The following PTGER3 variants were observed in gnomAD, a reference collection of about 807,000 sequenced individuals.
The protein encoded by PTGER3 is prostaglandin E receptor 3.
Under a neutral mutation model 34.7 loss-of-function variants are expected in PTGER3, and 22 were observed. The observed-to-expected ratio is 0.63, with a 90% CI of 0.45 to 0.91. The LOEUF (loss-of-function observed/expected upper bound fraction) is 0.91. Ranked by LOEUF, PTGER3 falls within the 40% of genes least tolerant of loss-of-function variation. PTGER3 has a pLI of 0.00. For synonymous variants in PTGER3, 241 were observed against 230.1 expected (o/e 1.05, Z -0.43); for missense variants, 468 against 519.4 (o/e 0.90, Z 0.96).
At chr1:71,001,026 T>A (rs948679525) in intron 2 of PTGER3, among the ~76,000 whole-genome samples, 1 of 152,132 alleles carries the variant, frequency 6.6e-6, no homozygotes, top group African/African-American at 2.4e-5. Context: ...TGGTGTCATA[T>A]GCTAGAAAAA....
chr1:70,964,641 G>A (rs1462173619), intron 2 of PTGER3, among the ~76,000 whole-genome samples: 2 of 152,192 alleles, frequency 1.3e-5, no homozygotes, highest in African/African-American at 4.8e-5. Flanking sequence ...TGACAGGTGG[G>A]AATTATGGGA....
intron 1 of PTGER3, among the ~76,000 whole-genome samples, chr1:71,015,341 G>GACATAACATCAAC (rs1553176505): frequency 6.6e-6 from 1 of 152,146 alleles, no homozygotes; most frequent in Admixed American, 6.5e-5. Context: ...ATTTAAAGTG[G>GACATAACATCAAC]ACATAACATC....
At chr1:70,867,177 C>T (rs1572495888) in intron 4 of PTGER3, among the ~76,000 whole-genome samples, 1 of 152,232 alleles carries the variant, frequency 6.6e-6, no homozygotes, top group Admixed American at 6.5e-5. Flanking sequence ...CCCTTCTCCA[C>T]CTCTAAGAGT....
chr1:70,892,274 AC>A (rs1181522025), intron 4 of PTGER3, among the ~76,000 whole-genome samples: 1 of 152,184 alleles, frequency 6.6e-6, no homozygotes, highest in African/African-American at 2.4e-5. Context: ...TAAAATGTTG[AC>A]GATAACCCTA....
Position 70,952,560 on chromosome 1 carries a change from C to T in PTGER3, c.*347G>A, listed in dbSNP as rs1313182089. On this transcript the variant is annotated 3_prime_UTR_variant, in exon 4 of 4. Transcript: ENST00000356595. Reference sequence around the variant, plus strand: ...ACACCCTTTACATATTTCTTCTGGACCAAATGTTAAAATACTCTTGCATTT... The same window carrying T: ...ACACCCTTTACATATTTCTTCTGGATCAAATGTTAAAATACTCTTGCATTT... 5.0e-6 allele frequency: 5 copies of T among 997,264 alleles called. No individual in the cohort carries two copies. In the East Asian group the frequency reaches 5.3e-4, roughly 105 times the overall value. The allele number at this position is 997,264 out of a possible 1,614,324, so 61.8% of individuals were successfully genotyped here. A position where few individuals can be genotyped will look rare whatever the true frequency, so the allele number is the denominator to read the frequency against.
chr1:70,929,456 CTT>C (rs895452492), intron 4 of PTGER3, among the ~76,000 whole-genome samples: 22 of 152,270 alleles, frequency 1.4e-4, no homozygotes, highest in African/African-American at 4.3e-4. Context: ...GACTGAAACA[CTT>C]AGTAAAATAT....
At chr1:70,857,941 G>C (rs896173500) in intron 4 of PTGER3, among the ~76,000 whole-genome samples, 1 of 152,168 alleles carries the variant, frequency 6.6e-6, no homozygotes, top group African/African-American at 2.4e-5. Context: ...CCAGTTTACT[G>C]GGAATAATTT....
chr1:70,879,599 T>C (rs914972573), intron 4 of PTGER3, among the ~76,000 whole-genome samples: 1 of 152,168 alleles, frequency 6.6e-6, no homozygotes, highest in African/African-American at 2.4e-5. Flanking sequence ...TTGTCTGAAA[T>C]TAAAATAGTT....
At chr1:70,884,042 A>G (rs971698734) in intron 4 of PTGER3, 11 of 384,674 alleles carry the variant, frequency 2.9e-5, no homozygotes, top group Admixed American at 2.7e-4. Context: ...AGCGGAAATC[A>G]CTCCACTGCA....
At chr1:71,011,959 A>G in intron 2 of PTGER3, 1 of 1,293,370 alleles carries the variant, frequency 7.7e-7, no homozygotes, top group Non-Finnish European at 9.8e-7. Context: ...TTTTCATCAC[A>G]TAATTAATCA....
At chr1:71,035,591 T>TC (rs1476636797) in intron 1 of PTGER3, among the ~76,000 whole-genome samples, 1 of 152,240 alleles carries the variant, frequency 6.6e-6, no homozygotes, top group East Asian at 1.9e-4. Flanking sequence ...ACCCATCTAA[T>TC]CCATTAGGCA....
At chr1:70,874,387 G>C (rs17131473) in intron 4 of PTGER3, among the ~76,000 whole-genome samples, 4,278 of 152,288 alleles carry the variant, frequency 0.028, 284 homozygotes, top group East Asian at 0.2. Flanking sequence ...TCAATTGCGT[G>C]TTGCCATGGG....
intron 1 of PTGER3, among the ~76,000 whole-genome samples, chr1:71,043,033 G>A (rs1660451340): frequency 6.6e-6 from 1 of 152,158 alleles, no homozygotes; most frequent in African/African-American, 2.4e-5. Flanking sequence ...CTACCTGTTT[G>A]GGAGTGCCAA....
In PTGER3 at chr1:71,012,426, G is replaced by T. The variant is rs13306020; in HGVS notation, c.956C>A (p.Thr319Lys). Residue 319 changes from threonine (T) to lysine (K), a missense_variant, in exon 2 of 4, where the codon ACG (threonine) becomes AAG (lysine). Around this residue, in one of 5 missense-constraint regions of PTGER3, gnomAD observed 204 missense variants for 230.8 expected, o/e 0.88. Transcript: ENST00000306666. ...QTSVEHCKTH[T>K]EKQKECNFFL... Reference sequence around the variant, plus strand: ...GAAGTTGCATTCTTTCTGCTTCTCCGTGTGTGTCTTGCAGTGCTCAACTGA... The same window carrying T: ...GAAGTTGCATTCTTTCTGCTTCTCCTTGTGTGTCTTGCAGTGCTCAACTGA... 1 of 1,614,096 alleles carries T rather than the reference G, an allele frequency of 6.2e-7. No individual in the cohort carries two copies. Among genetic ancestry groups the T allele is most frequent in the Non-Finnish European group, 8.5e-7 (1 of 1,180,026 alleles).
chr1:71,038,481 A>G (rs1005647055), intron 1 of PTGER3, among the ~76,000 whole-genome samples: 1 of 152,194 alleles, frequency 6.6e-6, no homozygotes, highest in African/African-American at 2.4e-5. Context: ...TTCTAAAAAT[A>G]AAGTGTGAAT....
intron 4 of PTGER3, among the ~76,000 whole-genome samples, chr1:70,939,203 A>T (rs1649527251): frequency 6.6e-6 from 1 of 152,130 alleles, no homozygotes; most frequent in Admixed American, 6.5e-5. Context: ...CTCCAAAATG[A>T]TCTCCTTTGT....
chr1:71,012,411 T>C lies in PTGER3; in HGVS notation c.971A>G (p.Glu324Gly), dbSNP rs1178993163. ...AACAGCTATTAAGAAGAAGTTGCAT[T>C]CTTTCTGCTTCTCCGTGTGTGTCTT... ...HCKTHTEKQKECNFFLIAVRL... is the reference protein window; with the variant it reads ...HCKTHTEKQKGCNFFLIAVRL... The change falls in exon 2 of 4, where the codon GAA (glutamate) becomes GGA (glycine). Residue 324 changes from glutamate to glycine, a missense_variant. Around this residue, in one of 5 missense-constraint regions of PTGER3, gnomAD observed 204 missense variants for 230.8 expected, o/e 0.88. Transcript: ENST00000306666. 6.2e-7 allele frequency: 1 copy of C among 1,614,172 alleles called. No homozygotes were observed. Among genetic ancestry groups the C allele is most frequent in the Non-Finnish European group, 8.5e-7 (1 of 1,180,024 alleles).
intron 2 of PTGER3, among the ~76,000 whole-genome samples, chr1:71,005,591 C>T (rs984168315): frequency 1.3e-5 from 2 of 152,090 alleles, no homozygotes; most frequent in African/African-American, 4.8e-5. Flanking sequence ...GGTCTTAGTA[C>T]CTACCAGAGC....
chr1:70,988,109 T>A (rs1655092004), intron 2 of PTGER3, among the ~76,000 whole-genome samples: 2 of 152,280 alleles, frequency 1.3e-5, no homozygotes, highest in African/African-American at 4.8e-5. Context: ...GGATCTTACA[T>A]AAAAGTGTTT....
Sources: allele counts gnomAD v4.1 joint callset (sites outside exome capture counted in the v4.1 genomes callset), GRCh38; gene constraint gnomAD v4.1.1; regional missense constraint gnomAD v4.1.1; transcripts MANE v1.5; gene names NCBI Gene and HGNC (gene_info 2026-07-23, HGNC 2026-07-21).